CELSR1: variants seen among roughly 807,000 people sequenced by gnomAD.
The protein encoded by CELSR1 is adhesion G protein-coupled receptor C1.
CELSR1 carries 110 observed loss-of-function variants against 249.1 expected under a neutral mutation model. That is an observed-to-expected ratio of 0.44 (90% CI 0.38 to 0.52). The LOEUF is 0.52. CELSR1 is among the 20% of genes least tolerant of loss of function. The probability of loss-of-function intolerance (pLI) is 0.00; values close to 1 mark genes in which losing one functional copy is unlikely to be tolerated. For missense variants in CELSR1, 4,109 were observed against 4,296.4 expected, an observed-to-expected ratio of 0.96 and a Z score of 1.22; for synonymous variants, 2,113 against 1,900.0, an observed-to-expected ratio of 1.11 and a Z score of -2.92.
At chr22:46,520,701 A>G (rs922116531) in intron 1 of CELSR1, among the ~76,000 whole-genome samples, 1 of 152,026 alleles carries the variant, frequency 6.6e-6, no homozygotes, top group Non-Finnish European at 1.5e-5. Flanking sequence ...ACCTCATGTG[A>G]TCCACCTGCC....
chr22:46,371,198 G>A (rs1390927714), intron 25 of CELSR1, among the ~76,000 whole-genome samples: 1 of 152,170 alleles, frequency 6.6e-6, no homozygotes, highest in Non-Finnish European at 1.5e-5. Flanking sequence ...TAGAGTAAGG[G>A]AGATGAGTCA....
intron 2 of CELSR1, among the ~76,000 whole-genome samples, chr22:46,460,175 CAAA>C (rs1033065717): frequency 2.5e-5 from 3 of 119,916 alleles, no homozygotes; most frequent in African/African-American, 9.9e-5. Flanking sequence ...GACTCAGTCT[CAAA>C]ACACACACAC....
intron 29 of CELSR1, 94 bp downstream of exon 29, chr22:46,366,899 G>T (rs2078789765): frequency 6.8e-7 from 1 of 1,473,022 alleles, no homozygotes. Context: ...GGGGCATACG[G>T]GCCGCAGGAC....
In CELSR1 at chr22:46,484,851, G is replaced by A. The variant is rs1489835939; in HGVS notation, c.3545-20506C>T. Among the ~76,000 whole-genome samples the A allele has an allele frequency of 6.6e-6, 1 of 150,512 alleles. No individual in the cohort carries two copies. The highest frequency in any genetic ancestry group is 1.5e-5 in the Non-Finnish European group (1 of 67,842). On this transcript the variant is annotated intron_variant, in intron 1 of 34. Transcript: ENST00000674500. The surrounding 1 kb of genome is among the most constrained non-coding windows in gnomAD (Gnocchi z 4.5). ...CTCCCTCCAATTTAGTGAATGGCGA[G>A]CAAATCATTTTCTTTGGGGGAAAAG... is the stretch of plus-strand genomic sequence containing the variant.
Position 46,364,623 on chromosome 22 carries a change from C to G in CELSR1, c.8668G>C (p.Val2890Leu), listed in dbSNP as rs371493557. Reference protein sequence around the residue: ...PRLKVETKVSVELHREEQGSH... With the variant: ...PRLKVETKVSLELHREEQGSH... ...CCCTGCTCCTCGCGGTGCAGCTCCACGCTGACCTTGGTCTCCACCTTCAGG... is the reference window on the plus strand; with the variant it reads ...CCCTGCTCCTCGCGGTGCAGCTCCAGGCTGACCTTGGTCTCCACCTTCAGG... The change falls in exon 33 of 35, where the codon GTG becomes CTG. Residue 2890 changes from valine (V) to leucine (L), a missense_variant. Val to Leu is a conservative substitution (Grantham distance 32). Coordinates refer to ENST00000674500, the MANE Select transcript of CELSR1 (RefSeq NM_001378328.1). 7 of 1,612,728 alleles carry G rather than the reference C, an allele frequency of 4.3e-6. No homozygotes were observed. Among genetic ancestry groups the G allele is most frequent in the Non-Finnish European group, 5.1e-6 (6 of 1,179,922 alleles).
intron 5 of CELSR1, among the ~76,000 whole-genome samples, chr22:46,426,280 G>T (rs2079537452): frequency 6.6e-6 from 1 of 152,200 alleles, no homozygotes; most frequent in Admixed American, 6.5e-5. Context: ...TACACATATA[G>T]AAGAGGAAAA....
chr22:46,418,272 G>T (rs570466925), intron 5 of CELSR1, among the ~76,000 whole-genome samples: 1 of 152,294 alleles, frequency 6.6e-6, no homozygotes, highest in South Asian at 2.1e-4. Context: ...CTTGCAGTCA[G>T]GAGTTTGCGA....
intron 5 of CELSR1, among the ~76,000 whole-genome samples, chr22:46,431,435 C>A (rs548537304): frequency 6.6e-6 from 1 of 152,228 alleles, no homozygotes; most frequent in Non-Finnish European, 1.5e-5. Context: ...CTGCCTACCC[C>A]CTCCCCAGCA....
At chr22:46,443,291 C>G (rs1368180840) in intron 2 of CELSR1, among the ~76,000 whole-genome samples, 2 of 152,220 alleles carry the variant, frequency 1.3e-5, no homozygotes, top group South Asian at 4.1e-4. Flanking sequence ...CAGAGCCAGG[C>G]ACAGGCCAGG....
chr22:46,392,521 C>A (rs572167223), intron 14 of CELSR1, among the ~76,000 whole-genome samples: 6 of 152,152 alleles, frequency 3.9e-5, no homozygotes, highest in African/African-American at 1.2e-4. Flanking sequence ...GGGGTGACTG[C>A]GATCTTTATG....
In CELSR1 at chr22:46,417,117, C is replaced by T. The variant is rs1056616871; in HGVS notation, c.4612-5358G>A. Among the ~76,000 whole-genome samples, 9 of 152,320 alleles carry T rather than the reference C, an allele frequency of 5.9e-5. No homozygotes were observed. The highest frequency in any genetic ancestry group is 9.6e-5 in the African/African-American group (4 of 41,574). On this transcript the variant is annotated intron_variant, in intron 5 of 34. Coordinates refer to ENST00000674500, the MANE Select transcript of CELSR1 (RefSeq NM_001378328.1). This position sits in a 1 kb window ranked among gnomAD's most constrained non-coding sequence, Gnocchi z 4.1. ...TACAGAGTCAAACTGCAGCGCTGAA[C>T]GTTCCATGCTGTCATTTCTCAAGAT...
rs989316649 is a variant in CELSR1, at chr22:46,430,078, G to GCA, written c.4611+3313_4611+3314dup. 1.3e-5 allele frequency among the ~76,000 whole-genome samples: 2 copies of GCA among 152,214 alleles called. No individual in the cohort carries two copies. Among genetic ancestry groups the GCA allele is most frequent in the African/African-American group, 4.8e-5 (2 of 41,448 alleles). ...GGGTCCCCGCAGGTTGCACGTGGAGGCAGTGCAGGAGGCCACTCTGACAGG... is the reference window on the plus strand; with the variant it reads ...GGGTCCCCGCAGGTTGCACGTGGAGGCACAGTGCAGGAGGCCACTCTGACAGG... On this transcript the variant is annotated intron_variant, in intron 5 of 34. Transcript: ENST00000674500. The surrounding 1 kb of genome is among the most constrained non-coding windows in gnomAD (Gnocchi z 4.6).
Position 46,406,204 on chromosome 22 carries a change from C to T in CELSR1, c.5226+2792G>A, listed in dbSNP as rs1490760370. On this transcript the variant is annotated intron_variant, in intron 9 of 34. Coordinates refer to ENST00000674500, the MANE Select transcript of CELSR1 (RefSeq NM_001378328.1). The surrounding 1 kb of genome is among the most constrained non-coding windows in gnomAD (Gnocchi z 5.4). ...CAACAGCCAATTTAATTTGTTCTGA[C>T]AGTGAAACCACCACACAGAAAATAC... Among the ~76,000 whole-genome samples the T allele has an allele frequency of 6.6e-6, 1 of 152,220 alleles. No homozygotes were observed. Among genetic ancestry groups the T allele is most frequent in the Non-Finnish European group, 1.5e-5 (1 of 68,048 alleles).
In CELSR1 at chr22:46,433,312, G is replaced by A. The variant is rs1001968402; in HGVS notation, c.4611+81C>T. On this transcript the variant is annotated intron_variant, in intron 5 of 34. Transcript: ENST00000674500. The surrounding 1 kb of genome is among the most constrained non-coding windows in gnomAD (Gnocchi z 5.7). ...GGCCTCTCAAAGTGCTGGGATTACA[G>A]GCGTGAGCCACTGCGCCTCGCCCCA... is the stretch of plus-strand genomic sequence containing the variant. The A allele has an allele frequency of 1.1e-5, 12 of 1,049,376 alleles. No homozygotes were observed. In the African/African-American group the frequency reaches 1.9e-4, roughly 17 times the overall value. The allele number at this position is 1,049,376 out of a possible 1,614,324, so 65.0% of individuals were successfully genotyped here. A position where few individuals can be genotyped will look rare whatever the true frequency, so the allele number is the denominator to read the frequency against.
At chr22:46,475,048 C>T (rs947508701) in intron 1 of CELSR1, among the ~76,000 whole-genome samples, 17 of 152,174 alleles carry the variant, frequency 1.1e-4, no homozygotes, top group Non-Finnish European at 4.4e-5. Flanking sequence ...AACACAAATG[C>T]CATTTTATCT....
chr22:46,367,678 G>A (rs1403031100), intron 28 of CELSR1, 51 bp downstream of exon 28: 2 of 1,560,992 alleles, frequency 1.3e-6, no homozygotes, highest in East Asian at 4.7e-5. Context: ...CACAGCGATG[G>A]TGTCACGGCG....
chr22:46,386,608 G>A (rs893011086), intron 18 of CELSR1, 23 bp from the exon 19 acceptor site: 18 of 1,546,996 alleles, frequency 1.2e-5, no homozygotes, highest in Admixed American at 4.1e-5. Flanking sequence ...ACAGCACTCA[G>A]TACTCAGCCT....
At chr22:46,370,766 G>A (rs2078842998) in intron 25 of CELSR1, among the ~76,000 whole-genome samples, 1 of 152,242 alleles carries the variant, frequency 6.6e-6, no homozygotes, top group African/African-American at 2.4e-5. Context: ...ACTGAGGACA[G>A]TCAGGGAAGC....
rs1259672270 is a variant in CELSR1 at position 46,437,449 on chromosome 22, T to C, written c.4407-1160A>G. Among the ~76,000 whole-genome samples, 1 of 152,190 alleles carries C rather than the reference T, an allele frequency of 6.6e-6. No individual in the cohort carries two copies. Among genetic ancestry groups the C allele is most frequent in the Non-Finnish European group, 1.5e-5 (1 of 68,038 alleles). On this transcript the variant is annotated intron_variant, in intron 3 of 34. Transcript: ENST00000674500. The surrounding 1 kb of genome is among the most constrained non-coding windows in gnomAD (Gnocchi z 4.9). ...GCCTCGAGCATCTGACCTCAGCCTT[T>C]TCTCTGGAGTTAAAATTGATGGTTT...
Sources: allele counts gnomAD v4.1 joint callset (sites outside exome capture counted in the v4.1 genomes callset), GRCh38; gene constraint gnomAD v4.1.1; non-coding constraint Gnocchi (gnomAD v3.1); transcripts MANE v1.5; gene names NCBI Gene and HGNC (gene_info 2026-07-23, HGNC 2026-07-21).